The following AFG2A variants were observed in gnomAD, a reference collection of about 807,000 sequenced individuals.
The protein encoded by AFG2A is ATPase family gene 2 protein homolog A.
At chr4:122,944,135 A>T in the AFG2A span, among the ~76,000 whole-genome samples, 3 of 152,046 alleles carry the variant, frequency 2.0e-5, no homozygotes, top group Admixed American at 2.0e-4. Flanking sequence ...CTTCTCGAGG[A>T]GTATCTTTGT....
At chr4:123,305,682 A>G in the AFG2A span, among the ~76,000 whole-genome samples, 2 of 152,138 alleles carry the variant, frequency 1.3e-5, no homozygotes, top group African/African-American at 4.8e-5. Context: ...CTTGACTGTT[A>G]CTTTTTATCA....
At chr4:123,175,685 T>C in the AFG2A span, among the ~76,000 whole-genome samples, 1,862 of 152,310 alleles carry the variant, frequency 0.012, 34 homozygotes, top group African/African-American at 0.042. Context: ...ATGTTGTGTA[T>C]CCCAGGATGT....
At chr4:122,958,583 G>C in the AFG2A span, among the ~76,000 whole-genome samples, 1 of 152,262 alleles carries the variant, frequency 6.6e-6, no homozygotes. Context: ...TATTATATGA[G>C]AATCACCTGT....
chr4:122,949,222 A>G, the AFG2A span, among the ~76,000 whole-genome samples: 2 of 152,168 alleles, frequency 1.3e-5, no homozygotes, highest in East Asian at 1.9e-4. Context: ...AGAAGGGTGC[A>G]TGACACACTA....
chr4:123,042,876 T>C, the AFG2A span, among the ~76,000 whole-genome samples: 1 of 152,238 alleles, frequency 6.6e-6, no homozygotes, highest in Non-Finnish European at 1.5e-5. Context: ...CAATAAACTT[T>C]ATATTGTAGA....
At chr4:123,310,404 T>TTC in the AFG2A span, among the ~76,000 whole-genome samples, 2 of 152,368 alleles carry the variant, frequency 1.3e-5, no homozygotes, top group South Asian at 2.1e-4. Context: ...GTAATCCGTG[T>TTC]TTTCTTTCTT....
At chr4:123,221,739 A>C in the AFG2A span, among the ~76,000 whole-genome samples, 6 of 152,232 alleles carry the variant, frequency 3.9e-5, no homozygotes, top group Non-Finnish European at 8.8e-5. Flanking sequence ...AGCCTGGCCA[A>C]CATGGTGAAA....
the AFG2A span, among the ~76,000 whole-genome samples, chr4:122,984,919 T>G: frequency 2.0e-5 from 3 of 152,106 alleles, no homozygotes; most frequent in South Asian, 6.2e-4. Flanking sequence ...AGTTTTCTTT[T>G]TTTGGTTATA....
the AFG2A span, among the ~76,000 whole-genome samples, chr4:122,951,659 G>A: frequency 1.3e-5 from 2 of 152,176 alleles, no homozygotes; most frequent in Middle Eastern, 3.2e-3. Flanking sequence ...GGCTTATAGA[G>A]GAGGACCATC....
chr4:122,934,689 A>C, the AFG2A span: 1 of 1,601,810 alleles, frequency 6.2e-7, no homozygotes, highest in East Asian at 2.2e-5. Flanking sequence ...AAGCAATTAG[A>C]GAAATAATTG....
the AFG2A span, among the ~76,000 whole-genome samples, chr4:123,076,636 A>G: frequency 5.3e-5 from 8 of 151,942 alleles, no homozygotes; most frequent in Non-Finnish European, 1.0e-4. Flanking sequence ...AAGTAAACAT[A>G]GAAGAGATTA....
chr4:123,121,096 C>T, the AFG2A span, among the ~76,000 whole-genome samples: 4 of 151,522 alleles, frequency 2.6e-5, no homozygotes, highest in Admixed American at 6.6e-5. Flanking sequence ...TTTGTGTCTT[C>T]GTTTTTAGCA....
chr4:123,106,924 A>G, the AFG2A span, among the ~76,000 whole-genome samples: 1 of 152,254 alleles, frequency 6.6e-6, no homozygotes, highest in Non-Finnish European at 1.5e-5. Context: ...CACTATGCAC[A>G]GTCAGGCACA....
chr4:123,258,321 A>G, the AFG2A span, among the ~76,000 whole-genome samples: 11 of 152,298 alleles, frequency 7.2e-5, no homozygotes, highest in South Asian at 1.9e-3. Flanking sequence ...TTATTTCTTT[A>G]AAAGTCTTAA....
chr4:123,046,608 T>C, the AFG2A span, among the ~76,000 whole-genome samples: 5 of 152,316 alleles, frequency 3.3e-5, no homozygotes, highest in Middle Eastern at 3.4e-3. Context: ...GGAGTCTTCA[T>C]CACCTCAAAC....
chr4:123,007,608 G>GTATA, the AFG2A span, among the ~76,000 whole-genome samples: 44 of 18,144 alleles, frequency 2.4e-3, no homozygotes, highest in South Asian at 0.023. Context: ...GTGTGTGTGT[G>GTATA]TATATATATA....
the AFG2A span, among the ~76,000 whole-genome samples, chr4:123,252,746 C>T: frequency 6.6e-6 from 1 of 152,230 alleles, no homozygotes; most frequent in Non-Finnish European, 1.5e-5. Flanking sequence ...ATCCCCATCA[C>T]CCTCAAAAGA....
At chr4:123,107,901 G>A in the AFG2A span, among the ~76,000 whole-genome samples, 8 of 152,206 alleles carry the variant, frequency 5.3e-5, no homozygotes, top group Non-Finnish European at 1.0e-4. Context: ...CAGAGCCTGC[G>A]CCACAATCGG....
At chr4:123,296,929 G>A in the AFG2A span, among the ~76,000 whole-genome samples, 2 of 152,150 alleles carry the variant, frequency 1.3e-5, no homozygotes, top group African/African-American at 2.4e-5. Flanking sequence ...CAGAATTATA[G>A]CATGAAGTCA....
Sources: allele counts gnomAD v4.1 joint callset (sites outside exome capture counted in the v4.1 genomes callset), GRCh38; gene constraint gnomAD v4.1.1; transcripts MANE v1.5; gene names NCBI Gene and HGNC (gene_info 2026-07-23, HGNC 2026-07-21).